The following ROCK2 variants were observed in gnomAD, a reference collection of about 807,000 sequenced individuals.
ROCK2 encodes rho-associated protein kinase 2.
A neutral mutation model predicts 195.1 loss-of-function variants in ROCK2; 61 were observed. The observed-to-expected ratio is 0.31, with a 90% confidence interval of 0.25 to 0.39. The LOEUF (loss-of-function observed/expected upper bound fraction) is 0.39, where lower values mean the gene tolerates loss of function less well. Among genes scored for constraint, ROCK2 ranks in the 10% least tolerant of loss-of-function variants. The probability of loss-of-function intolerance (pLI) is 1.00; values close to 1 mark genes in which losing one functional copy is unlikely to be tolerated. For missense variants in ROCK2, 1,109 were observed against 1,637.4 expected (o/e 0.68, Z 5.57); for synonymous variants, 504 against 545.5 (o/e 0.92, Z 1.06).
Position 11,201,719 on chromosome 2 carries a change from A to G in ROCK2, c.2620-306T>C, listed in dbSNP as rs1663858298. 1.3e-5 allele frequency among the ~76,000 whole-genome samples: 2 copies of G among 152,210 alleles called. No individual in the cohort carries two copies. The highest frequency in any genetic ancestry group is 1.3e-4 in the Admixed American group (2 of 15,276). On this transcript the variant is annotated intron_variant, in intron 21 of 32. Transcript: ENST00000315872. The surrounding 1 kb of genome is among the most constrained non-coding windows in gnomAD (Gnocchi z 4.6). ...AAACATTAACAATTTAGACAAAAAA[A>G]TGTTATTGGCTTAAATCAATAAAAC...
At chr2:11,328,441 A>C (rs1668614075) in intron 1 of ROCK2, among the ~76,000 whole-genome samples, 1 of 152,214 alleles carries the variant, frequency 6.6e-6, no homozygotes, top group South Asian at 2.1e-4. Context: ...AGTTTACAGA[A>C]CACTAGCACA....
chr2:11,317,597 TA>T lies in ROCK2; in HGVS notation c.141+26398del, dbSNP rs1558388299. Among the ~76,000 whole-genome samples, 12 of 16,360 alleles carry T rather than the reference TA, an allele frequency of 7.3e-4. 2 individuals are homozygous for T. The highest frequency in any genetic ancestry group is 1.1e-3 in the African/African-American group (6 of 5,246). The allele number at this position is 16,360 out of a possible 152,430, so 10.7% of individuals were successfully genotyped here. A position where few individuals can be genotyped will look rare whatever the true frequency, so the allele number is the denominator to read the frequency against. ...ACATTTATATATATATATATATATA[TA>T]TATATATATATATATTTTTTTTTTT... On this transcript the variant is annotated intron_variant, in intron 1 of 32. Transcript: ENST00000315872.
rs1265902283 is a variant in ROCK2 at position 11,179,997 on chromosome 2, C to T, written c.*3440G>A. On this transcript the variant is annotated 3_prime_UTR_variant, in exon 33 of 33. Transcript: ENST00000315872. The stretch of plus-strand genomic sequence containing the variant: ...GGGATGGGAGTCAGGGAGAGGCCCC[C>T]CCCCAAGCATGATATCCAGCGCTGT... The T allele has an allele frequency of 6.6e-6, 1 of 152,056 alleles. No individual in the cohort carries two copies. Among genetic ancestry groups the T allele is most frequent in the Non-Finnish European group, 1.5e-5 (1 of 68,034 alleles). 9.4% of individuals were successfully genotyped at this position (152,056 alleles called of 1,614,324 possible). A position where few individuals can be genotyped will look rare whatever the true frequency, so the allele number is the denominator to read the frequency against.
At chr2:11,299,495 T>C (rs1667640340) in intron 1 of ROCK2, among the ~76,000 whole-genome samples, 1 of 152,056 alleles carries the variant, frequency 6.6e-6, no homozygotes, top group Non-Finnish European at 1.5e-5. Context: ...GAGTTCATAC[T>C]ATGTGCAAAA....
chr2:11,306,841 T>C (rs1399899628), intron 1 of ROCK2, among the ~76,000 whole-genome samples: 1 of 152,098 alleles, frequency 6.6e-6, no homozygotes, highest in African/African-American at 2.4e-5. Flanking sequence ...AGAAAATACC[T>C]ACCAACACCA....
In ROCK2 at chr2:11,215,720, C is replaced by T. The variant is rs1033548422; in HGVS notation, c.1462-75G>A. On this transcript the variant is annotated intron_variant, in intron 13 of 32. Transcript: ENST00000315872. ...ATCAAAACAAAAAATACTTGCTATT[C>T]CAAACAGATAAAAAAGATCTCAAAA... 2.4e-6 allele frequency: 3 copies of T among 1,235,244 alleles called. No homozygotes were observed. The Admixed American group carries it at 8.6e-5, about 35-fold the overall frequency. 76.5% of individuals were successfully genotyped at this position (1,235,244 alleles called of 1,614,324 possible). A position where few individuals can be genotyped will look rare whatever the true frequency, so the allele number is the denominator to read the frequency against.
At chr2:11,305,476 C>CA (rs1053110397) in intron 1 of ROCK2, among the ~76,000 whole-genome samples, 1 of 150,422 alleles carries the variant, frequency 6.6e-6, no homozygotes, top group Non-Finnish European at 1.5e-5. Context: ...CACACACACA[C>CA]ACTTACGTGC....
chr2:11,192,182 G>T lies in ROCK2; in HGVS notation c.4129C>A (p.Arg1377=). 1 of 1,611,958 alleles carries T rather than the reference G, an allele frequency of 6.2e-7. No homozygotes were observed. Among genetic ancestry groups the T allele is most frequent in the Non-Finnish European group, 8.5e-7 (1 of 1,179,154 alleles). The change falls in exon 32 of 33, where the codon CGG becomes AGG. Residue 1377 remains arginine, a synonymous_variant. Transcript: ENST00000315872. The surrounding 1 kb of genome is among the most constrained non-coding windows in gnomAD (Gnocchi z 5.0). ...TTTGGGGCAAGCTGTCGACTTGGCC[G>T]TCTAATAGACTGGTTTTGCTGTATC... is the stretch of plus-strand genomic sequence containing the variant. ...MKIQQNQSIR[R]PSRQLAPNKP...
chr2:11,343,960 C>A, intron 1 of ROCK2, 36 bp downstream of exon 1: 1 of 1,580,124 alleles, frequency 6.3e-7, no homozygotes, highest in Non-Finnish European at 8.6e-7. Context: ...GAGGTGTGAG[C>A]TGCAACGAGC....
In ROCK2 at chr2:11,272,364, AT is replaced by A. The variant is rs142670441; in HGVS notation, c.324+14174del. On this transcript the variant is annotated intron_variant, in intron 3 of 32. Transcript: ENST00000315872. ...TCCAGTATTACTGTAATAATGGATT[AT>A]AATTGCACTTTTTGCTTTCTACATG... is the stretch of plus-strand genomic sequence containing the variant. 1.2e-3 allele frequency among the ~76,000 whole-genome samples: 180 copies of A among 152,356 alleles called. 1 individual carries two copies. In the East Asian group the frequency reaches 0.031, roughly 26 times the overall value.
At chr2:11,262,746 G>A (rs555933512) in intron 3 of ROCK2, among the ~76,000 whole-genome samples, 24 of 152,098 alleles carry the variant, frequency 1.6e-4, no homozygotes, top group Non-Finnish European at 3.2e-4. Flanking sequence ...GCCCAGTCTC[G>A]GGTATGTCTT....
At chr2:11,257,163 T>C (rs1045962018) in intron 3 of ROCK2, among the ~76,000 whole-genome samples, 3 of 151,318 alleles carry the variant, frequency 2.0e-5, no homozygotes, top group African/African-American at 7.4e-5. Context: ...GCAGCTACAG[T>C]GGTGGAGGAG....
intron 4 of ROCK2, among the ~76,000 whole-genome samples, chr2:11,247,169 CATAAA>C (rs906318089): frequency 2.6e-5 from 4 of 151,346 alleles, no homozygotes; most frequent in African/African-American, 4.9e-5. Flanking sequence ...TCCATAAAGA[CATAAA>C]ATAGAATAGC....
intron 4 of ROCK2, among the ~76,000 whole-genome samples, chr2:11,244,232 A>G (rs1392976006): frequency 6.6e-6 from 1 of 152,172 alleles, no homozygotes; most frequent in Non-Finnish European, 1.5e-5. Flanking sequence ...TTGTTTCCTC[A>G]TTATATAAAT....
At position 11,221,270 on chromosome 2, in the gene ROCK2, G is replaced by T. The variant is rs999968637; in HGVS notation, c.1187C>A (p.Thr396Asn). ...AACAAAAGCTTTAGGAATTGGGAAG[G>T]TTTCTACATCTCCTTTGTCATCTTC... ...DIEDDKGDVETFPIPKAFVGN... is the reference protein window; with the variant it reads ...DIEDDKGDVENFPIPKAFVGN... The change falls in exon 9 of 33, where the codon ACC becomes AAC. Residue 396 changes from threonine (T) to asparagine (N), a missense_variant. Coordinates refer to ENST00000315872, the MANE Select transcript of ROCK2 (RefSeq NM_004850.5). The T allele has an allele frequency of 1.9e-6, 3 of 1,591,510 alleles. No individual in the cohort carries two copies. Among genetic ancestry groups the T allele is most frequent in the Admixed American group, 1.8e-5 (1 of 56,284 alleles).
chr2:11,273,814 TAA>T (rs1666730805), intron 3 of ROCK2, among the ~76,000 whole-genome samples: 1 of 149,918 alleles, frequency 6.7e-6, no homozygotes, highest in Non-Finnish European at 1.5e-5. Context: ...CAGAAATCGA[TAA>T]AAGACAGGAG....
At chr2:11,286,473 G>A in intron 3 of ROCK2, 66 bp downstream of exon 3, 1 of 1,007,006 alleles carries the variant, frequency 9.9e-7, no homozygotes. Context: ...CTACTCAGCT[G>A]CTATTGATAA....
intron 1 of ROCK2, among the ~76,000 whole-genome samples, chr2:11,321,198 CAG>C (rs1668387971): frequency 6.6e-6 from 1 of 152,084 alleles, no homozygotes; most frequent in Admixed American, 6.6e-5. Flanking sequence ...TGTTTTGAAA[CAG>C]AGTCTCACTC....
intron 1 of ROCK2, among the ~76,000 whole-genome samples, chr2:11,331,058 G>GGAT (rs70953389): frequency 7.2e-6 from 1 of 138,028 alleles, no homozygotes; most frequent in African/African-American, 2.8e-5. Context: ...AGGAGGAGGA[G>GGAT]AAGAAGAAGA....
Sources: allele counts gnomAD v4.1 joint callset (sites outside exome capture counted in the v4.1 genomes callset), GRCh38; gene constraint gnomAD v4.1.1; non-coding constraint Gnocchi (gnomAD v3.1); transcripts MANE v1.5; gene names NCBI Gene and HGNC (gene_info 2026-07-23, HGNC 2026-07-21).